The following MALRD1 variants were observed in gnomAD, a reference collection of about 807,000 sequenced individuals.
MALRD1 encodes the protein MAM and LDL receptor class A domain containing 1.
Under a neutral mutation model 242.1 loss-of-function variants are expected in MALRD1, and 247 were observed. The ratio of observed to expected loss-of-function variants is 1.02; its 90% CI spans 0.92 to 1.13. The LOEUF is 1.13. Among genes scored for constraint, MALRD1 ranks in the 50% most tolerant of loss-of-function variants. The pLI is 0.00. For synonymous variants in MALRD1, 995 were observed against 866.6 expected, an observed-to-expected ratio of 1.15 and a Z score of -2.60; for missense variants, 2,989 against 2,533.1, an observed-to-expected ratio of 1.18 and a Z score of -3.86.
At chr10:19,715,203 C>G (rs77719392) in intron 38 of MALRD1, among the ~76,000 whole-genome samples, 107 of 152,082 alleles carry the variant, frequency 7.0e-4, no homozygotes, top group African/African-American at 2.5e-3. Flanking sequence ...TCTCAACATA[C>G]CATCACACCT....
intron 5 of MALRD1, among the ~76,000 whole-genome samples, chr10:19,117,968 G>A (rs145018007): frequency 1.9e-3 from 288 of 152,160 alleles, no homozygotes; most frequent in African/African-American, 6.1e-3. Context: ...TAATCATTGC[G>A]TTCACCAAGC....
rs1842431936 is a variant in MALRD1 at position 19,311,671 on chromosome 10, G to A, written c.3420-12278G>A. ...TAATCAACACTGTTTCAAAGCTCAG[G>A]GTAGAAATGAAATGCAATGATATAA... is the stretch of plus-strand genomic sequence containing the variant. On this transcript the variant is annotated intron_variant, in intron 21 of 39. Coordinates refer to ENST00000454679, the MANE Select transcript of MALRD1 (RefSeq NM_001142308.3). Among the ~76,000 whole-genome samples the A allele has an allele frequency of 2.0e-5, 3 of 151,306 alleles. No homozygotes were observed. In the South Asian group the frequency reaches 6.2e-4, roughly 31 times the overall value.
intron 25 of MALRD1, 25 bp downstream of exon 25, chr10:19,348,043 A>G (rs1411131426): frequency 3.2e-6 from 5 of 1,543,420 alleles, no homozygotes; most frequent in African/African-American, 1.4e-5. Flanking sequence ...GAACCAACCA[A>G]CCAAACAAAC....
intron 18 of MALRD1, among the ~76,000 whole-genome samples, chr10:19,217,176 G>A (rs1291651037): frequency 6.6e-6 from 1 of 151,990 alleles, no homozygotes; most frequent in African/African-American, 2.4e-5. Context: ...CCTGGTCTTA[G>A]TATTTTATTA....
At chr10:19,115,428 C>CT (rs1034998056) in intron 5 of MALRD1, among the ~76,000 whole-genome samples, 1,963 of 148,410 alleles carry the variant, frequency 0.013, 38 homozygotes, top group African/African-American at 0.045. Context: ...AAAATAAAAG[C>CT]TTTTTTTTTT....
upstream of MALRD1, among the ~76,000 whole-genome samples, chr10:19,047,537 G>A (rs971089946): frequency 2.0e-5 from 3 of 151,956 alleles, no homozygotes; most frequent in Non-Finnish European, 4.4e-5. Flanking sequence ...ACTTAAAATG[G>A]AACTATAAGG....
intron 31 of MALRD1, among the ~76,000 whole-genome samples, chr10:19,527,443 C>G (rs543862479): frequency 6.6e-6 from 1 of 152,250 alleles, no homozygotes; most frequent in Non-Finnish European, 1.5e-5. Context: ...CAATTCCTAA[C>G]TTTGCAAAAT....
At chr10:19,556,957 A>G (rs1238015001) in intron 32 of MALRD1, among the ~76,000 whole-genome samples, 3 of 152,138 alleles carry the variant, frequency 2.0e-5, no homozygotes, top group Non-Finnish European at 4.4e-5. Context: ...GGAGTGTTTG[A>G]TAATGTCAGT....
chr10:19,146,125 A>G, intron 10 of MALRD1, 73 bp from the exon 11 acceptor site: 1 of 1,128,658 alleles, frequency 8.9e-7, no homozygotes, highest in East Asian at 3.2e-5. Context: ...TAAGATGATT[A>G]GCTAGCGTAG....
intron 18 of MALRD1, among the ~76,000 whole-genome samples, chr10:19,240,470 T>G (rs1434881301): frequency 2.0e-5 from 3 of 151,994 alleles, no homozygotes; most frequent in Admixed American, 2.0e-4. Flanking sequence ...TGATCATATA[T>G]ATAGATGTAT....
At chr10:19,200,645 G>GTGTTTTTTTT (rs1836480722) in intron 14 of MALRD1, among the ~76,000 whole-genome samples, 1 of 69,448 alleles carries the variant, frequency 1.4e-5, no homozygotes, top group African/African-American at 5.9e-5. Flanking sequence ...CCTGCTTGAG[G>GTGTTTTTTTT]TTTTTTTTTT....
intron 18 of MALRD1, among the ~76,000 whole-genome samples, chr10:19,241,418 A>G (rs1212141526): frequency 6.6e-6 from 1 of 151,824 alleles, no homozygotes; most frequent in Non-Finnish European, 1.5e-5. Flanking sequence ...ATCAGTTGTA[A>G]TGTCTCCTTT....
chr10:19,474,217 A>AT (rs879697865), intron 29 of MALRD1, among the ~76,000 whole-genome samples: 4 of 151,832 alleles, frequency 2.6e-5, no homozygotes, highest in African/African-American at 7.3e-5. Flanking sequence ...TTAAGCAGTC[A>AT]TTTTTTTTAA....
At chr10:19,414,988 C>T (rs554981004) in intron 28 of MALRD1, among the ~76,000 whole-genome samples, 35 of 152,196 alleles carry the variant, frequency 2.3e-4, no homozygotes, top group African/African-American at 8.0e-4. Context: ...GAACTCATAA[C>T]ACTTTTTTTC....
At chr10:19,436,615 T>C (rs1415666186) in intron 28 of MALRD1, among the ~76,000 whole-genome samples, 2 of 152,162 alleles carry the variant, frequency 1.3e-5, no homozygotes, top group Non-Finnish European at 2.9e-5. Context: ...CTTTTCCCTT[T>C]AGTTTTACAG....
intron 31 of MALRD1, among the ~76,000 whole-genome samples, chr10:19,524,698 G>T (rs1353108921): frequency 6.7e-6 from 1 of 149,880 alleles, no homozygotes; most frequent in Non-Finnish European, 1.5e-5. Flanking sequence ...AAAACTATTA[G>T]CCAGCTTTAT....
At chr10:19,420,030 T>C (rs1658359712) in intron 28 of MALRD1, among the ~76,000 whole-genome samples, 1 of 152,190 alleles carries the variant, frequency 6.6e-6, no homozygotes, top group African/African-American at 2.4e-5. Flanking sequence ...TTTTTAATTC[T>C]CAGCAAGGCA....
chr10:19,117,271 ATACT>A (rs1254356188), intron 5 of MALRD1, among the ~76,000 whole-genome samples: 8 of 152,148 alleles, frequency 5.3e-5, no homozygotes, highest in African/African-American at 1.9e-4. Flanking sequence ...CCAGGCCAAA[ATACT>A]TACTCATATA....
intron 14 of MALRD1, among the ~76,000 whole-genome samples, chr10:19,183,115 G>GTTT (rs71387051): frequency 0.013 from 1,834 of 137,756 alleles, 24 homozygotes; most frequent in African/African-American, 0.032. Flanking sequence ...TATTTTGAGG[G>GTTT]TTTTTTTTTT....
Sources: gnomAD v4.1 joint callset for allele counts (sites outside exome capture counted in the v4.1 genomes callset) on GRCh38, gnomAD v4.1.1 for gene constraint, MANE v1.5 for transcripts, NCBI Gene and HGNC (gene_info 2026-07-23, HGNC 2026-07-21) for gene names.